The following SUN1 variants were observed in gnomAD, a reference collection of about 807,000 sequenced individuals.
SUN1 encodes SUN domain-containing protein 1.
SUN1 carries 61 observed loss-of-function variants against 103.2 expected under a neutral mutation model. The ratio of observed to expected loss-of-function variants is 0.59; its 90% CI spans 0.48 to 0.73. SUN1 has a LOEUF of 0.73. Among genes scored for constraint, SUN1 ranks in the 30% least tolerant of loss-of-function variants. SUN1 has a pLI of 0.00. For synonymous variants in SUN1, 490 were observed against 425.7 expected (o/e 1.15, Z -1.86); for missense variants, 1,052 against 1,034.6 (o/e 1.02, Z -0.23).
chr7:834,846 C>T (rs1801442975), intron 1 of SUN1, among the ~76,000 whole-genome samples: 1 of 152,084 alleles, frequency 6.6e-6, no homozygotes, highest in African/African-American at 2.4e-5. Context: ...GAGGCTGAGG[C>T]GGGTGGATCA....
At chr7:867,640 T>G (rs2128524704) in intron 16 of SUN1, among the ~76,000 whole-genome samples, 1 of 152,288 alleles carries the variant, frequency 6.6e-6, no homozygotes, top group South Asian at 2.1e-4. Context: ...AGGGGCAGAC[T>G]TCATATAAAT....
At position 869,392 on chromosome 7, in the gene SUN1, A is replaced by T; in HGVS notation, c.2024A>T (p.Gln675Leu). 1 of 1,613,824 alleles carries T rather than the reference A, an allele frequency of 6.2e-7. No individual in the cohort carries two copies. Among genetic ancestry groups the T allele is most frequent in the Non-Finnish European group, 8.5e-7 (1 of 1,179,856 alleles). The change falls in exon 17 of 19, where the codon CAG becomes CTG. Residue 675 changes from glutamine (Q) to leucine (L), a missense_variant. Around this residue, in one of 2 missense-constraint regions of SUN1, gnomAD observed 206 missense variants for 260.1 expected, o/e 0.79. Coordinates refer to ENST00000401592, the MANE Select transcript of SUN1 (RefSeq NM_001130965.3). ...PGNCWAFKGS[Q>L]GYLVVRLSMM... ...AACTGCTGGGCATTTAAAGGCTCCC[A>T]GGGGTACCTGGTGGTGAGGCTCTCC... is the stretch of plus-strand genomic sequence containing the variant.
At chr7:843,165 C>T (rs563397142) in intron 3 of SUN1, 41 bp from the exon 4 acceptor site, 7 of 1,595,504 alleles carry the variant, frequency 4.4e-6, no homozygotes, top group South Asian at 3.4e-5. Context: ...AAGCTGAGCT[C>T]AACAGCAAAA....
intron 1 of SUN1, among the ~76,000 whole-genome samples, chr7:821,260 C>A (rs993801928): frequency 6.7e-5 from 10 of 148,422 alleles, no homozygotes; most frequent in Admixed American, 4.1e-4. Context: ...ACCTCTGCCT[C>A]CCATGTTCAA....
chr7:861,363 C>T lies in SUN1; in HGVS notation c.1780-17C>T. On this transcript the variant is annotated splice_polypyrimidine_tract_variant and intron_variant, in intron 14 of 18. Coordinates refer to ENST00000401592, the MANE Select transcript of SUN1 (RefSeq NM_001130965.3). Reference sequence around the variant, plus strand: ...CCTGTTCTGGTGTTTGGTCTTCCGTCCCTCGTGTCTGTCCAGCAAGCACGT... The same window carrying T: ...CCTGTTCTGGTGTTTGGTCTTCCGTTCCTCGTGTCTGTCCAGCAAGCACGT... 1 of 1,614,040 alleles carries T rather than the reference C, an allele frequency of 6.2e-7. No individual in the cohort carries two copies. Among genetic ancestry groups the T allele is most frequent in the South Asian group, 1.1e-5 (1 of 91,080 alleles).
At chr7:855,206 C>T (rs1198910506) in intron 11 of SUN1, among the ~76,000 whole-genome samples, 200 bp downstream of exon 11, 2 of 152,224 alleles carry the variant, frequency 1.3e-5, no homozygotes, top group African/African-American at 4.8e-5. Flanking sequence ...GTAACTCACG[C>T]ATCCCCGTGT....
Position 824,365 on chromosome 7 carries a change from C to CT in SUN1, c.-74+7692_-74+7693insT, listed in dbSNP as rs546382713. Among the ~76,000 whole-genome samples, 327 of 152,338 alleles carry CT rather than the reference C, an allele frequency of 2.1e-3. 1 individual carries two copies. The highest frequency in any genetic ancestry group is 7.6e-3 in the African/African-American group (317 of 41,572). ...GCTGCAGCACATCCCTGCTTGAGGG[C>CT]CGCTGGCTGCAGATGAGTTCTCCAG... On this transcript the variant is annotated intron_variant, in intron 1 of 17. Coordinates refer to the SUN1 transcript ENST00000389574.
chr7:843,446 A>G lies in SUN1; in HGVS notation c.584A>G (p.Lys195Arg). The G allele has an allele frequency of 6.2e-7, 1 of 1,614,188 alleles. No individual in the cohort carries two copies. Among genetic ancestry groups the G allele is most frequent in the Non-Finnish European group, 8.5e-7 (1 of 1,180,012 alleles). Residue 195 changes from lysine (K) to arginine (R), a missense_variant, in exon 5 of 19, where the codon AAG (lysine) becomes AGG (arginine). Lys to Arg is a conservative substitution (Grantham distance 26). Coordinates refer to ENST00000401592, the MANE Select transcript of SUN1 (RefSeq NM_001130965.3). ...CSNCSMLSER[K>R]DVLTAHPAAP... ...AACTGCAGCATGCTGTCCGAGCGCAAGGACGTGCTCACGGCGCACCCCGCG... is the reference window on the plus strand; with the variant it reads ...AACTGCAGCATGCTGTCCGAGCGCAGGGACGTGCTCACGGCGCACCCCGCG...
At chr7:852,387 G>T (rs1214562629) in intron 7 of SUN1, 1 of 624,344 alleles carries the variant, frequency 1.6e-6, no homozygotes, top group Non-Finnish European at 2.8e-6. Flanking sequence ...GGTAGCTCAG[G>T]CCATTCCCAC....
At chr7:849,819 T>C in intron 5 of SUN1, 2 of 1,289,072 alleles carry the variant, frequency 1.6e-6, no homozygotes, top group Non-Finnish European at 1.1e-6. Context: ...TCGTGTGTAA[T>C]TGAGTTTCCC....
rs781737978 is a variant in SUN1, at chr7:852,883, A to G, written c.984A>G (p.Arg328=). The change falls in exon 9 of 19, where the codon AGA becomes AGG. Residue 328 remains arginine, a synonymous_variant. Coordinates refer to ENST00000401592, the MANE Select transcript of SUN1 (RefSeq NM_001130965.3). ...TGTTGAACTGGGCAAGCATGCATAG[A>G]ACACAGCGGGTGGATGACCCCCAGG... ...LPVLNWASMH[R]TQRVDDPQDV... 3.1e-5 allele frequency: 50 copies of G among 1,613,938 alleles called. No homozygotes were observed. Among genetic ancestry groups the G allele is most frequent in the Non-Finnish European group, 4.2e-5 (49 of 1,180,006 alleles).
At chr7:825,325 G>A (rs1186906501) in intron 1 of SUN1, among the ~76,000 whole-genome samples, 1 of 152,194 alleles carries the variant, frequency 6.6e-6, no homozygotes, top group African/African-American at 2.4e-5. Flanking sequence ...GCCTCCCAAA[G>A]TGTTGGGATT....
In SUN1 at chr7:861,373, T is replaced by C. The variant is rs779417128; in HGVS notation, c.1780-7T>C. 2 of 1,614,198 alleles carry C rather than the reference T, an allele frequency of 1.2e-6. No individual in the cohort carries two copies. The highest frequency in any genetic ancestry group is 2.2e-5 in the East Asian group (1 of 44,890). ...TGTTTGGTCTTCCGTCCCTCGTGTC[T>C]GTCCAGCAAGCACGTGCCATCGTGA... is the stretch of plus-strand genomic sequence containing the variant. On this transcript the variant is annotated splice_region_variant and splice_polypyrimidine_tract_variant and intron_variant, in intron 14 of 18. Coordinates refer to ENST00000401592, the MANE Select transcript of SUN1 (RefSeq NM_001130965.3).
chr7:827,716 T>G (rs1378107446), upstream of SUN1, among the ~76,000 whole-genome samples: 1 of 152,108 alleles, frequency 6.6e-6, no homozygotes, highest in Non-Finnish European at 1.5e-5. Flanking sequence ...TCCTCCCACC[T>G]TGGCCTCCCA....
intron 15 of SUN1, among the ~76,000 whole-genome samples, chr7:865,639 T>G (rs1835864781): frequency 6.6e-6 from 1 of 152,142 alleles, no homozygotes; most frequent in African/African-American, 2.4e-5. Context: ...GGTAGCTCTG[T>G]TTTTAGTTTT....
chr7:853,150 C>T, intron 9 of SUN1, 198 bp downstream of exon 9: 1 of 785,914 alleles, frequency 1.3e-6, no homozygotes, highest in East Asian at 2.7e-5. Flanking sequence ...TCTCATGATT[C>T]AGTTAGTTTT....
upstream of SUN1, chr7:831,971 G>A (rs1798394999): frequency 3.3e-6 from 3 of 905,422 alleles, no homozygotes; most frequent in South Asian, 1.5e-4. Flanking sequence ...TTTTGGTGAG[G>A]AAAAAAGTGT....
intron 1 of SUN1, among the ~76,000 whole-genome samples, chr7:827,246 T>A (rs1033813619): frequency 6.6e-6 from 1 of 151,986 alleles, no homozygotes; most frequent in Non-Finnish European, 1.5e-5. Flanking sequence ...GGTCTCAAAC[T>A]CCTAACCTCA....
rs778924811 is a variant in SUN1 at position 857,860 on chromosome 7, A to T, written c.1427A>T (p.Glu476Val). The change falls in exon 13 of 19, where the codon GAG becomes GTG. Residue 476 changes from glutamate to valine, a missense_variant. Coordinates refer to ENST00000401592, the MANE Select transcript of SUN1 (RefSeq NM_001130965.3). ...GGTGAGCAGCTCCTGCCCACAGTCGAGCACCTCCAGCTGGAGCTGGATCAG... is the reference window on the plus strand; with the variant it reads ...GGTGAGCAGCTCCTGCCCACAGTCGTGCACCTCCAGCTGGAGCTGGATCAG... ...AVGEQLLPTV[E>V]HLQLELDQLK... 1 of 1,597,948 alleles carries T rather than the reference A, an allele frequency of 6.3e-7. No individual in the cohort carries two copies. Among genetic ancestry groups the T allele is most frequent in the Non-Finnish European group, 8.6e-7 (1 of 1,168,420 alleles).
Sources: allele counts gnomAD v4.1 joint callset (sites outside exome capture counted in the v4.1 genomes callset), GRCh38; gene constraint gnomAD v4.1.1; regional missense constraint gnomAD v4.1.1; transcripts MANE v1.5; gene names NCBI Gene and HGNC (gene_info 2026-07-23, HGNC 2026-07-21).